Variants in ASXL2 observed in about 807,000 individuals in gnomAD.
ASXL2 encodes putative Polycomb group protein ASXL2.
ASXL2 carries 23 observed loss-of-function variants against 122.0 expected under a neutral mutation model. The observed-to-expected ratio is 0.19, with a 90% CI of 0.14 to 0.27. ASXL2 has a LOEUF of 0.27. Ranked by LOEUF, ASXL2 falls within the 10% of genes least tolerant of loss-of-function variation. The pLI is 1.00. For missense variants in ASXL2, 1,518 were observed against 1,713.8 expected, an observed-to-expected ratio of 0.89 and a Z score of 2.02; for synonymous variants, 650 against 637.0, an observed-to-expected ratio of 1.02 and a Z score of -0.31.
At chr2:25,867,167 T>C (rs2089915358) in intron 1 of ASXL2, among the ~76,000 whole-genome samples, 1 of 152,142 alleles carries the variant, frequency 6.6e-6, no homozygotes, top group Admixed American at 6.5e-5. Flanking sequence ...CCCAAAGAGC[T>C]GGGATTACAG....
chr2:25,878,290 C>T lies in ASXL2; in HGVS notation c.-68G>A, dbSNP rs1338572485. ...CGGCCGCCCTCCCTGCCTGCTCTGCCCTGCGCTGCTTTTCCCGCGGTGCCG... is the reference window on the plus strand; with the variant it reads ...CGGCCGCCCTCCCTGCCTGCTCTGCTCTGCGCTGCTTTTCCCGCGGTGCCG... On this transcript the variant is annotated 5_prime_UTR_variant, in exon 1 of 13. Coordinates refer to ENST00000435504, the MANE Select transcript of ASXL2 (RefSeq NM_018263.6). The T allele has an allele frequency of 6.5e-7, 1 of 1,543,902 alleles. No individual in the cohort carries two copies. Among genetic ancestry groups the T allele is most frequent in the South Asian group, 1.1e-5 (1 of 88,964 alleles).
intron 1 of ASXL2, among the ~76,000 whole-genome samples, chr2:25,852,087 G>C (rs1205730148): frequency 6.6e-6 from 1 of 152,106 alleles, no homozygotes; most frequent in Non-Finnish European, 1.5e-5. Flanking sequence ...TTGCAAAACT[G>C]TTAGCTTACG....
At chr2:25,842,836 T>C (rs2089603238) in intron 2 of ASXL2, among the ~76,000 whole-genome samples, 1 of 151,554 alleles carries the variant, frequency 6.6e-6, no homozygotes, top group African/African-American at 2.4e-5. Flanking sequence ...TTTGTTTGTT[T>C]TTTGAGACAG....
chr2:25,736,776 C>A lies in ASXL2; in HGVS notation c.*5253G>T, dbSNP rs558929955. ...ACAATAAAAAGTCAGTTTTATGGGTCATCAAGATACACTCTCGAAAATCTG... is the reference window on the plus strand; with the variant it reads ...ACAATAAAAAGTCAGTTTTATGGGTAATCAAGATACACTCTCGAAAATCTG... On this transcript the variant is annotated 3_prime_UTR_variant, in exon 13 of 13. Coordinates refer to ENST00000435504, the MANE Select transcript of ASXL2 (RefSeq NM_018263.6). 3.1e-4 allele frequency: 47 copies of A among 152,198 alleles called. No homozygotes were observed. Among genetic ancestry groups the A allele is most frequent in the African/African-American group, 1.1e-3 (44 of 41,524 alleles). The allele number at this position is 152,198 out of a possible 1,614,324, so 9.4% of individuals were successfully genotyped here.
chr2:25,785,210 C>CTTAT (rs998488518), intron 5 of ASXL2, among the ~76,000 whole-genome samples: 1 of 152,086 alleles, frequency 6.6e-6, no homozygotes, highest in Admixed American at 6.6e-5. Flanking sequence ...TTCTCCCAAA[C>CTTAT]TTATTTATTT....
At chr2:25,764,295 T>C (rs1412946089) in intron 8 of ASXL2, among the ~76,000 whole-genome samples, 2 of 152,188 alleles carry the variant, frequency 1.3e-5, no homozygotes, top group Non-Finnish European at 2.9e-5. Context: ...TTCTTTCTTT[T>C]AAAAAAAGCT....
Position 25,771,482 on chromosome 2 carries a change from G to A in ASXL2, c.462C>T (p.Val154=), listed in dbSNP as rs573025949. The change falls in exon 6 of 13, where the codon GTC becomes GTT. Residue 154 remains valine, a synonymous_variant. Coordinates refer to ENST00000435504, the MANE Select transcript of ASXL2 (RefSeq NM_018263.6). ...CPSPTIPAGK[V]ISPSQKHSKK... ...TGCTGTGCTTCTGTGATGGAGAAAT[G>A]ACTTTACCTGCTGGAATGGTGGGTG... 5 of 1,613,692 alleles carry A rather than the reference G, an allele frequency of 3.1e-6. No individual in the cohort carries two copies. The highest frequency in any genetic ancestry group is 4.2e-6 in the Non-Finnish European group (5 of 1,179,814).
In ASXL2 at chr2:25,845,546, G is replaced by A. The variant is rs1206500801; in HGVS notation, c.75C>T (p.Pro25=). The A allele has an allele frequency of 6.2e-6, 9 of 1,440,362 alleles. No individual in the cohort carries two copies. The highest frequency in any genetic ancestry group is 8.3e-6 in the Non-Finnish European group (9 of 1,087,646). The allele number at this position is 1,440,362 out of a possible 1,614,324, so 89.2% of individuals were successfully genotyped here. The change falls in exon 2 of 13, where the codon CCC becomes CCT. Residue 25 remains proline (P), a synonymous_variant. Transcript: ENST00000435504. The part of the protein sequence containing the change: ...EAAKTVLEKY[P]NTPMSHKEIL... The stretch of plus-strand genomic sequence containing the variant: ...TTTCTTTATGACTCATGGGTGTATT[G>A]GGGTATTTTTCTAAGACCTGAAAAA...
chr2:25,872,528 T>A (rs1193108995), intron 1 of ASXL2, among the ~76,000 whole-genome samples: 3 of 152,050 alleles, frequency 2.0e-5, no homozygotes, highest in African/African-American at 7.2e-5. Flanking sequence ...AAACAATTCA[T>A]AAACAAAATC....
chr2:25,819,162 G>A (rs2089277523), intron 3 of ASXL2, among the ~76,000 whole-genome samples: 1 of 152,098 alleles, frequency 6.6e-6, no homozygotes, highest in Non-Finnish European at 1.5e-5. Flanking sequence ...AAGTCTTCAG[G>A]TAAAAACTCA....
At chr2:25,833,255 A>G (rs974511685) in intron 3 of ASXL2, among the ~76,000 whole-genome samples, 2 of 152,204 alleles carry the variant, frequency 1.3e-5, no homozygotes, top group African/African-American at 4.8e-5. Context: ...GTACAATGTT[A>G]CCATTAGGAG....
intron 8 of ASXL2, among the ~76,000 whole-genome samples, chr2:25,763,466 G>A (rs1173767211): frequency 6.6e-6 from 1 of 151,746 alleles, no homozygotes; most frequent in East Asian, 1.9e-4. Flanking sequence ...CTCCAGCCTG[G>A]GTGACAGATC....
chr2:25,801,662 G>A (rs2089000670), intron 4 of ASXL2, among the ~76,000 whole-genome samples: 1 of 152,118 alleles, frequency 6.6e-6, no homozygotes, highest in Non-Finnish European at 1.5e-5. Flanking sequence ...AGGATCAACT[G>A]CCTATGCCCC....
At chr2:25,790,981 GAGACAAGGTCTC>G (rs1164796396) in intron 5 of ASXL2, among the ~76,000 whole-genome samples, 1 of 151,420 alleles carries the variant, frequency 6.6e-6, no homozygotes, top group Admixed American at 6.6e-5. Flanking sequence ...TTTTTATTTA[GAGACAAGGTCTC>G]ACCATGTTGC....
chr2:25,868,948 T>C (rs2089932094), intron 1 of ASXL2, among the ~76,000 whole-genome samples: 1 of 151,974 alleles, frequency 6.6e-6, no homozygotes, highest in Non-Finnish European at 1.5e-5. Context: ...GTGGATCACC[T>C]CAGGTCAGGA....
At chr2:25,859,191 C>T (rs912831690) in intron 1 of ASXL2, among the ~76,000 whole-genome samples, 2 of 152,060 alleles carry the variant, frequency 1.3e-5, no homozygotes, top group African/African-American at 4.8e-5. Context: ...ATTCTCCTAA[C>T]CTAGCCTCCC....
chr2:25,791,988 C>A (rs2149167557), intron 5 of ASXL2, among the ~76,000 whole-genome samples: 1 of 152,210 alleles, frequency 6.6e-6, no homozygotes, highest in Middle Eastern at 3.4e-3. Context: ...CAAGTAGTTT[C>A]TTTGCTTGTT....
At chr2:25,790,495 T>C (rs1394107976) in intron 5 of ASXL2, among the ~76,000 whole-genome samples, 1 of 152,138 alleles carries the variant, frequency 6.6e-6, no homozygotes, top group Non-Finnish European at 1.5e-5. Context: ...TATAGTCTTT[T>C]CTCACAAAGT....
At chr2:25,861,709 C>A (rs1434422953) in intron 1 of ASXL2, among the ~76,000 whole-genome samples, 1 of 152,188 alleles carries the variant, frequency 6.6e-6, no homozygotes, top group African/African-American at 2.4e-5. Context: ...AAACCAAGCT[C>A]CTAGTCAGCC....
Sources: gnomAD v4.1 joint callset for allele counts (sites outside exome capture counted in the v4.1 genomes callset) on GRCh38, gnomAD v4.1.1 for gene constraint, MANE v1.5 for transcripts, NCBI Gene and HGNC (gene_info 2026-07-23, HGNC 2026-07-21) for gene names.